NLK: variants seen among roughly 807,000 people sequenced by gnomAD.
NLK encodes nemo like kinase.
In NLK, 11 loss-of-function variants were observed where a neutral mutation model predicts 59.0. The observed-to-expected ratio is 0.19, with a 90% CI of 0.12 to 0.31. The LOEUF (loss-of-function observed/expected upper bound fraction) is 0.31. Ranked by LOEUF, NLK falls within the 10% of genes least tolerant of loss-of-function variation. NLK has a pLI of 1.00. For missense variants in NLK, 410 were observed against 661.1 expected (o/e 0.62, Z 4.16); for synonymous variants, 235 against 235.9 (o/e 1.00, Z 0.03).
Position 28,185,223 on chromosome 17 carries a change from T to G in NLK, c.1194T>G (p.His398Gln). ...VLYTLSSQAT[H>Q]EAVHLLCRML... ...ATACCCTGTCTAGCCAGGCTACACA[T>G]GAAGCTGTTCATCTCCTTTGCAGGA... Residue 398 changes from histidine (H) to glutamine (Q), a missense_variant, in exon 8 of 11, where the codon CAT becomes CAG. His to Gln is a conservative substitution (Grantham distance 24). Around this residue, in one of 5 missense-constraint regions of NLK, gnomAD observed 150 missense variants for 244.3 expected, o/e 0.61. Coordinates refer to ENST00000407008, the MANE Select transcript of NLK (RefSeq NM_016231.5). The G allele has an allele frequency of 6.3e-7, 1 of 1,596,040 alleles. No homozygotes were observed. The highest frequency in any genetic ancestry group is 8.5e-7 in the Non-Finnish European group (1 of 1,170,198).
chr17:28,115,855 A>G (rs1053805804), intron 1 of NLK, among the ~76,000 whole-genome samples: 1 of 151,228 alleles, frequency 6.6e-6, no homozygotes, highest in Non-Finnish European at 1.5e-5. Context: ...AATATTATAA[A>G]TAGTTTTTTA....
chr17:28,054,659 G>A (rs1036105820), intron 1 of NLK, among the ~76,000 whole-genome samples: 6 of 152,178 alleles, frequency 3.9e-5, no homozygotes, highest in African/African-American at 1.4e-4. Flanking sequence ...GCTAGTAAAA[G>A]TTGGGCCAGT....
chr17:28,069,821 C>T (rs954120976), intron 1 of NLK, among the ~76,000 whole-genome samples: 3 of 152,132 alleles, frequency 2.0e-5, no homozygotes, highest in Non-Finnish European at 4.4e-5. Context: ...TTCTCCTACT[C>T]TGTAACTTAC....
chr17:28,080,282 T>G (rs998251318), intron 1 of NLK, among the ~76,000 whole-genome samples: 2 of 152,028 alleles, frequency 1.3e-5, no homozygotes, highest in African/African-American at 4.8e-5. Flanking sequence ...TGAGACCCTA[T>G]CTCTACAAAA....
chr17:28,118,300 A>G (rs1905869519), intron 1 of NLK, among the ~76,000 whole-genome samples: 2 of 152,198 alleles, frequency 1.3e-5, no homozygotes, highest in East Asian at 3.8e-4. Flanking sequence ...TGCTGATTAC[A>G]ACTTTATGTG....
At chr17:28,152,504 G>A (rs994834225) in intron 3 of NLK, among the ~76,000 whole-genome samples, 3 of 152,152 alleles carry the variant, frequency 2.0e-5, no homozygotes, top group Non-Finnish European at 4.4e-5. Flanking sequence ...GATATGTGAA[G>A]CAGAATAGAA....
At chr17:28,180,986 G>A (rs1415150681) in intron 7 of NLK, among the ~76,000 whole-genome samples, 4 of 152,132 alleles carry the variant, frequency 2.6e-5, no homozygotes, top group Non-Finnish European at 5.9e-5. Context: ...GGGCATGGTG[G>A]CTTACACTTG....
chr17:28,151,446 G>GA (rs1392509106), intron 3 of NLK, among the ~76,000 whole-genome samples: 1 of 152,146 alleles, frequency 6.6e-6, no homozygotes, highest in African/African-American at 2.4e-5. Flanking sequence ...TTCATGGAGT[G>GA]AAAAATGTTT....
chr17:28,151,022 G>A (rs182139056), intron 3 of NLK, among the ~76,000 whole-genome samples: 2 of 152,282 alleles, frequency 1.3e-5, no homozygotes, highest in Admixed American at 6.5e-5. Context: ...GAGGGAAGGA[G>A]CACCCTGTTT....
intron 1 of NLK, among the ~76,000 whole-genome samples, chr17:28,054,431 A>G (rs1216009494): frequency 6.6e-6 from 1 of 152,226 alleles, no homozygotes; most frequent in Non-Finnish European, 1.5e-5. Flanking sequence ...GAAAGGTGCA[A>G]CAGTTGGTTA....
chr17:28,052,751 CT>C (rs575228632), intron 1 of NLK, among the ~76,000 whole-genome samples: 23 of 151,950 alleles, frequency 1.5e-4, no homozygotes, highest in Non-Finnish European at 2.2e-4. Flanking sequence ...ATCTATATTA[CT>C]TTTTTTTCAT....
At chr17:28,074,177 A>G (rs1910097451) in intron 1 of NLK, among the ~76,000 whole-genome samples, 3 of 152,220 alleles carry the variant, frequency 2.0e-5, no homozygotes, top group Non-Finnish European at 2.9e-5. Flanking sequence ...GGCTGGGGTG[A>G]TGTAATTTTG....
chr17:28,070,571 T>G (rs1909974625), intron 1 of NLK, among the ~76,000 whole-genome samples: 1 of 151,838 alleles, frequency 6.6e-6, no homozygotes, highest in Non-Finnish European at 1.5e-5. Context: ...CAGGATGGTC[T>G]TGATCTCTTG....
intron 1 of NLK, among the ~76,000 whole-genome samples, chr17:28,081,537 A>G (rs973200529): frequency 6.6e-6 from 1 of 152,146 alleles, no homozygotes; most frequent in African/African-American, 2.4e-5. Context: ...TTTAGGAAAA[A>G]AAATAACAAA....
chr17:28,063,962 A>G (rs971388198), intron 1 of NLK, among the ~76,000 whole-genome samples: 1 of 152,206 alleles, frequency 6.6e-6, no homozygotes, highest in Non-Finnish European at 1.5e-5. Context: ...CTGTGATTTC[A>G]GTTCAGTAGT....
At chr17:28,171,579 A>G (rs898074259) in intron 6 of NLK, among the ~76,000 whole-genome samples, 2 of 152,238 alleles carry the variant, frequency 1.3e-5, no homozygotes, top group Non-Finnish European at 2.9e-5. Context: ...AGAGATTTCT[A>G]GCATGACTAG....
intron 10 of NLK, among the ~76,000 whole-genome samples, chr17:28,192,428 G>C (rs1909338814): frequency 6.6e-6 from 1 of 152,124 alleles, no homozygotes; most frequent in South Asian, 2.1e-4. Flanking sequence ...CAGCACTTTG[G>C]GAAGCCAAGG....
intron 7 of NLK, among the ~76,000 whole-genome samples, chr17:28,182,627 C>T (rs532105625): frequency 6.6e-6 from 1 of 152,286 alleles, no homozygotes; most frequent in South Asian, 2.1e-4. Context: ...TTCCAGTTTG[C>T]CTTGAAAGTA....
chr17:28,179,743 A>T (rs1305888908), intron 7 of NLK, among the ~76,000 whole-genome samples: 1 of 151,890 alleles, frequency 6.6e-6, no homozygotes, highest in Non-Finnish European at 1.5e-5. Flanking sequence ...AAGAGACAGG[A>T]TCTCTCTAAG....
Sources: allele counts gnomAD v4.1 joint callset (sites outside exome capture counted in the v4.1 genomes callset), GRCh38; gene constraint gnomAD v4.1.1; regional missense constraint gnomAD v4.1.1; transcripts MANE v1.5; gene names NCBI Gene and HGNC (gene_info 2026-07-23, HGNC 2026-07-21).